Variants in ROBO2 observed in about 807,000 individuals in gnomAD.
The protein encoded by ROBO2 is roundabout guidance receptor 2.
Under a neutral mutation model 160.8 loss-of-function variants are expected in ROBO2, and 53 were observed. The observed-to-expected ratio is 0.33, with a 90% CI of 0.26 to 0.41. ROBO2 has a LOEUF of 0.41. Ranked by LOEUF, ROBO2 falls within the 10% of genes least tolerant of loss-of-function variation. The probability of loss-of-function intolerance (pLI) is 1.00; values close to 1 mark genes in which losing one functional copy is unlikely to be tolerated. For missense variants in ROBO2, 1,577 were observed against 1,722.4 expected, an observed-to-expected ratio of 0.92 and a Z score of 1.49; for synonymous variants, 664 against 611.7, an observed-to-expected ratio of 1.09 and a Z score of -1.26.
intron 2 of ROBO2, among the ~76,000 whole-genome samples, chr3:77,251,616 G>A (rs780021506): frequency 3.9e-5 from 6 of 152,040 alleles, no homozygotes; most frequent in Non-Finnish European, 7.4e-5. Context: ...GATTTGTTGC[G>A]TCCCGACCCG....
Position 76,434,347 on chromosome 3 carries a change from C to A in ROBO2, c.109+496745C>A, listed in dbSNP as rs74678410. ...TCAGAGCAGATCAAGAAGTGATAAG[C>A]TTTCGGGAGAAGAACCGAGGCAGCA... On this transcript the variant is annotated intron_variant, in intron 2 of 26. Coordinates refer to the ROBO2 transcript ENST00000487694. 9.8e-5 allele frequency: 130 copies of A among 1,325,438 alleles called. No individual in the cohort carries two copies. In the East Asian group the frequency reaches 2.8e-3, roughly 29 times the overall value. The allele number at this position is 1,325,438 out of a possible 1,614,324, so 82.1% of individuals were successfully genotyped here.
At chr3:75,953,147 G>A (rs924398792) in intron 2 of ROBO2, among the ~76,000 whole-genome samples, 1 of 151,892 alleles carries the variant, frequency 6.6e-6, no homozygotes, top group African/African-American at 2.4e-5. Flanking sequence ...TGTAATTGCT[G>A]GGTTGTGTGG....
intron 2 of ROBO2, among the ~76,000 whole-genome samples, chr3:77,236,311 A>T (rs1265030298): frequency 6.6e-6 from 1 of 152,216 alleles, no homozygotes; most frequent in African/African-American, 2.4e-5. Flanking sequence ...AAGTTTTATC[A>T]GGCAGATAAA....
chr3:76,373,038 C>G (rs992337933), intron 2 of ROBO2, among the ~76,000 whole-genome samples: 4 of 151,882 alleles, frequency 2.6e-5, no homozygotes, highest in Non-Finnish European at 5.9e-5. Flanking sequence ...TTCACTTTCC[C>G]CACCAAAGAA....
intron 2 of ROBO2, among the ~76,000 whole-genome samples, chr3:75,966,113 C>T (rs150659205): frequency 7.2e-5 from 11 of 151,730 alleles, no homozygotes; most frequent in East Asian, 2.0e-4. Flanking sequence ...TTTATTAATA[C>T]GTCTATAGAA....
chr3:77,286,752 T>C (rs2060631003), intron 2 of ROBO2, among the ~76,000 whole-genome samples: 2 of 152,252 alleles, frequency 1.3e-5, no homozygotes, highest in South Asian at 4.1e-4. Context: ...CAGAACTATA[T>C]TGAATAAATA....
intron 2 of ROBO2, among the ~76,000 whole-genome samples, chr3:76,149,624 C>A (rs2072071490): frequency 7.8e-6 from 1 of 128,476 alleles, no homozygotes; most frequent in Admixed American, 7.5e-5. Flanking sequence ...AAACACACAT[C>A]TGTCTAAAGC....
intron 2 of ROBO2, among the ~76,000 whole-genome samples, chr3:76,166,687 T>A (rs1277504521): frequency 6.6e-6 from 1 of 151,948 alleles, no homozygotes; most frequent in African/African-American, 2.4e-5. Flanking sequence ...AAAAAAAAAA[T>A]CCCAGCATAA....
intron 2 of ROBO2, among the ~76,000 whole-genome samples, chr3:77,015,965 A>T (rs1559848082): frequency 4.6e-5 from 7 of 151,456 alleles, no homozygotes. Context: ...CTAATATGTT[A>T]TTTTTTTTAT....
intron 2 of ROBO2, among the ~76,000 whole-genome samples, chr3:77,355,852 A>G (rs2069037541): frequency 6.6e-6 from 1 of 152,098 alleles, no homozygotes; most frequent in African/African-American, 2.4e-5. Context: ...AGAAACATTA[A>G]TAGCATATAT....
chr3:76,256,605 G>T (rs559522779), intron 2 of ROBO2, among the ~76,000 whole-genome samples: 1 of 152,000 alleles, frequency 6.6e-6, no homozygotes, highest in South Asian at 2.1e-4. Flanking sequence ...TAGCTACTAG[G>T]GAGGCTGAGG....
At chr3:77,526,704 G>C (rs542074154) in intron 6 of ROBO2, among the ~76,000 whole-genome samples, 4 of 151,568 alleles carry the variant, frequency 2.6e-5, no homozygotes, top group African/African-American at 9.7e-5. Flanking sequence ...ATAAAAAAAT[G>C]ATAATTTGTT....
At chr3:76,293,988 A>G (rs1708939800) in intron 2 of ROBO2, among the ~76,000 whole-genome samples, 1 of 152,108 alleles carries the variant, frequency 6.6e-6, no homozygotes, top group Non-Finnish European at 1.5e-5. Context: ...GTCCCCACTC[A>G]GCCTGTCTCC....
intron 2 of ROBO2, among the ~76,000 whole-genome samples, chr3:76,150,314 A>C (rs1201939435): frequency 6.6e-6 from 1 of 150,626 alleles, no homozygotes. Context: ...TAAAGCACAC[A>C]TCATCTGTCT....
intron 2 of ROBO2, among the ~76,000 whole-genome samples, chr3:76,976,384 A>G (rs1454319562): frequency 1.3e-5 from 2 of 152,242 alleles, no homozygotes; most frequent in African/African-American, 2.4e-5. Flanking sequence ...ATTGTCATCA[A>G]CGTAATTTTT....
chr3:76,931,887 G>A (rs2077368665), intron 2 of ROBO2, among the ~76,000 whole-genome samples: 1 of 151,932 alleles, frequency 6.6e-6, no homozygotes, highest in African/African-American at 2.4e-5. Context: ...CATCATGTTG[G>A]GCAGGCTGGT....
chr3:77,362,923 A>G (rs908583288), intron 2 of ROBO2, among the ~76,000 whole-genome samples: 1 of 152,134 alleles, frequency 6.6e-6, no homozygotes, highest in Non-Finnish European at 1.5e-5. Context: ...CACAGGAAAA[A>G]GATGCCCCCA....
At chr3:77,309,649 T>G (rs747285804) in intron 2 of ROBO2, among the ~76,000 whole-genome samples, 1 of 152,234 alleles carries the variant, frequency 6.6e-6, no homozygotes, top group African/African-American at 2.4e-5. Flanking sequence ...GTCCAGGTTT[T>G]TAGCTCTCTT....
At chr3:77,034,664 A>T in intron 2 of ROBO2, among the ~76,000 whole-genome samples, 1 of 151,962 alleles carries the variant, frequency 6.6e-6, no homozygotes, top group East Asian at 1.9e-4. Flanking sequence ...TACAACTGTA[A>T]AAATCCACGG....
Sources: gnomAD v4.1 joint callset for allele counts (sites outside exome capture counted in the v4.1 genomes callset) on GRCh38, gnomAD v4.1.1 for gene constraint, MANE v1.5 for transcripts, NCBI Gene and HGNC (gene_info 2026-07-23, HGNC 2026-07-21) for gene names.